Variants in DCTD observed in about 807,000 individuals in gnomAD.
DCTD encodes deoxycytidylate deaminase.
A neutral mutation model predicts 21.0 loss-of-function variants in DCTD; 23 were observed. The observed-to-expected ratio is 1.09, with a 90% CI of 0.79 to 1.55. DCTD has a LOEUF of 1.55. Ranked by LOEUF, DCTD falls within the 40% of genes most tolerant of loss-of-function variation. The probability of loss-of-function intolerance (pLI) is 0.00; values close to 1 mark genes in which losing one functional copy is unlikely to be tolerated. For synonymous variants in DCTD, 71 were observed against 81.1 expected (o/e 0.88, Z 0.67); for missense variants, 224 against 230.0 (o/e 0.97, Z 0.17).
intron 3 of DCTD, among the ~76,000 whole-genome samples, chr4:182,910,173 G>C (rs1346266524): frequency 6.6e-6 from 1 of 152,098 alleles, no homozygotes; most frequent in East Asian, 1.9e-4. Flanking sequence ...TGGTCCATTG[G>C]GTGGGATAGG....
chr4:182,915,330 C>T (rs926905031), intron 2 of DCTD, 131 bp downstream of exon 2: 39 of 734,314 alleles, frequency 5.3e-5, no homozygotes, highest in East Asian at 3.2e-4. Flanking sequence ...CTTGTAGAAA[C>T]GCAGCACAAA....
chr4:182,894,596 G>C lies in DCTD; in HGVS notation c.254C>G (p.Ala85Gly). 6.2e-7 allele frequency: 1 copy of C among 1,611,152 alleles called. No homozygotes were observed. Among genetic ancestry groups the C allele is most frequent in the South Asian group, 1.1e-5 (1 of 91,016 alleles). The change falls in exon 4 of 6, where the codon GCG becomes GGG. Residue 85 changes from alanine (A) to glycine (G), a missense_variant. Physicochemically the swap from Ala to Gly is moderately conservative, Grantham distance 60. Transcript: ENST00000438320. Reference protein sequence around the residue: ...LDTKYPYVCHAELNAIMNKNS... With the variant: ...LDTKYPYVCHGELNAIMNKNS... ...TTTGTTCATGATGGCATTCAGCTCC[G>C]CATGGCACACTGTGGGTTGAAAGGG...
chr4:182,891,581 G>A (rs1733757145), intron 5 of DCTD, 104 bp from the exon 6 acceptor site: 3 of 763,514 alleles, frequency 3.9e-6, no homozygotes, highest in Non-Finnish European at 6.7e-6. Context: ...ATATGTCCTG[G>A]GATTCACTTG....
chr4:182,899,467 G>A (rs368596864), intron 3 of DCTD, among the ~76,000 whole-genome samples: 4 of 148,994 alleles, frequency 2.7e-5, no homozygotes, highest in Non-Finnish European at 5.9e-5. Flanking sequence ...ACGTGATCTC[G>A]GCTCACTGCA....
At chr4:182,906,240 C>T (rs997271701) in intron 3 of DCTD, among the ~76,000 whole-genome samples, 4 of 151,940 alleles carry the variant, frequency 2.6e-5, no homozygotes, top group African/African-American at 2.4e-5. Context: ...CTGGGACGTC[C>T]GAGATCAAGG....
At chr4:182,908,704 AAG>A (rs1405207561) in intron 3 of DCTD, among the ~76,000 whole-genome samples, 1,982 of 128,698 alleles carry the variant, frequency 0.015, 24 homozygotes, top group Non-Finnish European at 0.025. Context: ...AAAAAAAAAA[AAG>A]AAGAAGAAGA....
intron 3 of DCTD, among the ~76,000 whole-genome samples, chr4:182,912,841 G>A (rs1427902148): frequency 6.6e-6 from 1 of 152,124 alleles, no homozygotes; most frequent in Admixed American, 6.5e-5. Context: ...CCCATTGGGA[G>A]GCCCACTCAG....
chr4:182,898,340 C>A (rs1455387864), intron 3 of DCTD, among the ~76,000 whole-genome samples: 1 of 152,224 alleles, frequency 6.6e-6, no homozygotes, highest in East Asian at 1.9e-4. Context: ...GGCTCAAGGT[C>A]CAATTTGCTG....
intron 3 of DCTD, among the ~76,000 whole-genome samples, chr4:182,911,656 G>A (rs574320079): frequency 6.6e-6 from 1 of 152,294 alleles, no homozygotes; most frequent in African/African-American, 2.4e-5. Flanking sequence ...TTACTTACAA[G>A]AAAGGAGGAG....
In DCTD at chr4:182,894,385, T is replaced by C; in HGVS notation, c.361+104A>G. 5.7e-6 allele frequency: 4 copies of C among 700,864 alleles called. No individual in the cohort carries two copies. In the South Asian group the frequency reaches 7.4e-5, roughly 13 times the overall value. The allele number at this position is 700,864 out of a possible 1,614,324, so 43.4% of individuals were successfully genotyped here. On this transcript the variant is annotated intron_variant, in intron 4 of 5. Transcript: ENST00000438320. ...CTTGCAAAGCTGATAGTGCAATTAA[T>C]TTAGATCTAAACAATAGCAATTTAA... is the stretch of plus-strand genomic sequence containing the variant.
chr4:182,891,719 G>T (rs1449145450), intron 5 of DCTD, among the ~76,000 whole-genome samples: 1 of 152,142 alleles, frequency 6.6e-6, no homozygotes, highest in African/African-American at 2.4e-5. Context: ...CTGAGTTCAC[G>T]AATTATTGGG....
At chr4:182,908,036 TAAA>T (rs35563105) in intron 3 of DCTD, among the ~76,000 whole-genome samples, 1 of 143,438 alleles carries the variant, frequency 7.0e-6, no homozygotes, top group African/African-American at 2.6e-5. Flanking sequence ...CTATCCAGAT[TAAA>T]AAAAAAAAAG....
At chr4:182,915,187 T>A in intron 2 of DCTD, 129 bp from the exon 3 acceptor site, 1 of 1,234,164 alleles carries the variant, frequency 8.1e-7, no homozygotes, top group Non-Finnish European at 1.1e-6. Context: ...TGCTGAGAGC[T>A]GTCGGTCTCC....
At chr4:182,891,677 TGG>T (rs887808929) in intron 5 of DCTD, among the ~76,000 whole-genome samples, 200 bp from the exon 6 acceptor site, 1 of 152,080 alleles carries the variant, frequency 6.6e-6, no homozygotes, top group Non-Finnish European at 1.5e-5. Flanking sequence ...AAAAGATGCA[TGG>T]GGTGGTGTGG....
chr4:182,915,674 C>T (rs72553964), intron 1 of DCTD, 99 bp from the exon 2 acceptor site: 41,557 of 888,120 alleles, frequency 0.047, 1,119 homozygotes, highest in Non-Finnish European at 0.058. Context: ...AATCTCTAAA[C>T]ATGGGCAACT....
At chr4:182,902,618 C>T (rs1267927803) in intron 3 of DCTD, among the ~76,000 whole-genome samples, 1 of 152,246 alleles carries the variant, frequency 6.6e-6, no homozygotes, top group East Asian at 1.9e-4. Flanking sequence ...CCCTTAGTAA[C>T]AGGACTGGAG....
chr4:182,893,066 C>G lies in DCTD; in HGVS notation c.423G>C (p.Ala141=). The G allele has an allele frequency of 6.2e-7, 1 of 1,613,060 alleles. No homozygotes were observed. The highest frequency in any genetic ancestry group is 8.5e-7 in the Non-Finnish European group (1 of 1,179,414). The change falls in exon 5 of 6, where the codon GCG becomes GCC. Residue 141 remains alanine, a synonymous_variant. Coordinates refer to ENST00000438320, the MANE Select transcript of DCTD (RefSeq NM_001921.3). The part of the protein sequence containing the change: ...KYHDSDEATA[A]RLLFNMAGVT... Reference sequence around the variant, plus strand: ...CCCCGGCCATATTAAACAGGAGCCTCGCAGCAGTTGCCTCGTCACTATCAT... The same window carrying G: ...CCCCGGCCATATTAAACAGGAGCCTGGCAGCAGTTGCCTCGTCACTATCAT...
At chr4:182,916,546 C>T in intron 1 of DCTD, 1 of 987,568 alleles carries the variant, frequency 1.0e-6, no homozygotes, top group South Asian at 4.6e-5. Context: ...GTGCCTAAGA[C>T]AAGGATGCAG....
chr4:182,917,213 C>G lies in DCTD; in HGVS notation c.-8+98G>C, dbSNP rs1254998706. 5 of 994,680 alleles carry G rather than the reference C, an allele frequency of 5.0e-6. No homozygotes were observed. Among genetic ancestry groups the G allele is most frequent in the Non-Finnish European group, 6.0e-6 (5 of 836,966 alleles). 61.6% of individuals were successfully genotyped at this position (994,680 alleles called of 1,614,324 possible). On this transcript the variant is annotated intron_variant, in intron 1 of 5. Transcript: ENST00000438320. This position sits in a 1 kb window ranked among gnomAD's most constrained non-coding sequence, Gnocchi z 4.9. ...GCGTCCGCGGCCCCAGGCCCCCGCC[C>G]GGCAGCCAGCGCCCCGCGCCACGCG...
Sources: allele counts gnomAD v4.1 joint callset (sites outside exome capture counted in the v4.1 genomes callset), GRCh38; gene constraint gnomAD v4.1.1; non-coding constraint Gnocchi (gnomAD v3.1); transcripts MANE v1.5; gene names NCBI Gene and HGNC (gene_info 2026-07-23, HGNC 2026-07-21).